EYS: variants seen among roughly 807,000 people sequenced by gnomAD.
The protein encoded by EYS is protein eyes shut homolog.
In EYS, 250 loss-of-function variants were observed where a neutral mutation model predicts 282.1. The ratio of observed to expected loss-of-function variants is 0.89; its 90% CI spans 0.80 to 0.98. EYS has a LOEUF of 0.98. EYS is among the 50% of genes least tolerant of loss of function. EYS has a pLI of 0.00. For missense variants in EYS, 4,016 were observed against 3,709.0 expected, an observed-to-expected ratio of 1.08 and a Z score of -2.15; for synonymous variants, 1,355 against 1,282.9, an observed-to-expected ratio of 1.06 and a Z score of -1.20.
intron 29 of EYS, among the ~76,000 whole-genome samples, chr6:64,350,659 A>G (rs1396595132): frequency 6.6e-6 from 1 of 151,640 alleles, no homozygotes; most frequent in Non-Finnish European, 1.5e-5. Context: ...AGAAGGATTC[A>G]GCGTAAAGCT....
intron 31 of EYS, among the ~76,000 whole-genome samples, chr6:64,134,754 G>A (rs1326996697): frequency 6.6e-6 from 1 of 152,026 alleles, no homozygotes; most frequent in African/African-American, 2.4e-5. Context: ...TGACTAACGA[G>A]GAGCTCTGCA....
intron 1 of EYS, among the ~76,000 whole-genome samples, chr6:65,653,837 A>G (rs1410264800): frequency 6.6e-6 from 1 of 151,938 alleles, no homozygotes. Flanking sequence ...GCAAAGTCCA[A>G]GTGTCCTCTA....
chr6:65,596,194 C>T (rs1187168593), intron 2 of EYS, among the ~76,000 whole-genome samples: 1 of 152,078 alleles, frequency 6.6e-6, no homozygotes, highest in African/African-American at 2.4e-5. Flanking sequence ...GGCTAAATAA[C>T]ATCTTGGATA....
chr6:64,870,302 G>A (rs1274230298), intron 19 of EYS, among the ~76,000 whole-genome samples: 2 of 151,522 alleles, frequency 1.3e-5, no homozygotes, highest in African/African-American at 4.8e-5. Flanking sequence ...ATACTCAAAA[G>A]TCACAGGCTT....
At chr6:64,652,754 C>A (rs1768607756) in intron 22 of EYS, among the ~76,000 whole-genome samples, 1 of 151,834 alleles carries the variant, frequency 6.6e-6, no homozygotes, top group African/African-American at 2.4e-5. Context: ...ATGGAAACCT[C>A]CTCTACATGT....
intron 22 of EYS, among the ~76,000 whole-genome samples, chr6:64,808,169 T>C (rs1347919455): frequency 3.3e-5 from 5 of 151,778 alleles, no homozygotes; most frequent in East Asian, 1.9e-4. Flanking sequence ...GATCACGATA[T>C]AGCACACTAA....
intron 1 of EYS, among the ~76,000 whole-genome samples, chr6:65,653,558 T>C (rs189025942): frequency 4.6e-4 from 70 of 152,022 alleles, no homozygotes; most frequent in African/African-American, 1.7e-3. Flanking sequence ...ATTGCCGTAT[T>C]CACAACATTT....
chr6:64,904,491 C>T (rs1360099444), intron 16 of EYS, among the ~76,000 whole-genome samples: 1 of 152,150 alleles, frequency 6.6e-6, no homozygotes, highest in East Asian at 1.9e-4. Context: ...TGCCATAGTA[C>T]AGATATAAAC....
chr6:65,277,794 G>A (rs929198918), intron 12 of EYS, among the ~76,000 whole-genome samples: 1 of 152,158 alleles, frequency 6.6e-6, no homozygotes, highest in African/African-American at 2.4e-5. Context: ...TATCAAGTTA[G>A]GAGATTCAGA....
chr6:63,720,355 A>G lies in EYS; in HGVS notation c.*241T>C, dbSNP rs946730344. The G allele has an allele frequency of 1.4e-5, 6 of 428,068 alleles. No individual in the cohort carries two copies. Among genetic ancestry groups the G allele is most frequent in the Admixed American group, 3.9e-5 (1 of 25,430 alleles). The allele number at this position is 428,068 out of a possible 1,614,324, so 26.5% of individuals were successfully genotyped here. ...CAAAGTGAATAAGCACATTCTGTGAATAAGCACTGAACTAATGGAGTTAAA... is the reference window on the plus strand; with the variant it reads ...CAAAGTGAATAAGCACATTCTGTGAGTAAGCACTGAACTAATGGAGTTAAA... On this transcript the variant is annotated 3_prime_UTR_variant, in exon 43 of 43. Coordinates refer to ENST00000503581, the MANE Select transcript of EYS (RefSeq NM_001142800.2).
intron 40 of EYS, among the ~76,000 whole-genome samples, chr6:63,770,527 C>CG (rs1219899812): frequency 6.6e-6 from 1 of 152,004 alleles, no homozygotes; most frequent in Non-Finnish European, 1.5e-5. Flanking sequence ...TAGCAATGGG[C>CG]GATCACACGA....
intron 31 of EYS, among the ~76,000 whole-genome samples, chr6:64,203,986 T>C (rs1399512604): frequency 6.6e-6 from 1 of 152,206 alleles, no homozygotes; most frequent in African/African-American, 2.4e-5. Flanking sequence ...AATATAAATT[T>C]TATGCCTTCC....
At chr6:65,315,541 C>A (rs1380310031) in intron 11 of EYS, among the ~76,000 whole-genome samples, 2 of 151,576 alleles carry the variant, frequency 1.3e-5, no homozygotes, top group African/African-American at 4.9e-5. Flanking sequence ...ATGAAATCAT[C>A]TGTATAAATC....
chr6:65,410,087 A>T (rs1285749968), intron 5 of EYS, among the ~76,000 whole-genome samples: 2 of 152,066 alleles, frequency 1.3e-5, no homozygotes, highest in Admixed American at 1.3e-4. Context: ...GTTTAGTGGT[A>T]CTTAATTAGA....
chr6:64,091,130 A>C (rs1208527304), intron 31 of EYS, among the ~76,000 whole-genome samples: 1 of 152,176 alleles, frequency 6.6e-6, no homozygotes, highest in Non-Finnish European at 1.5e-5. Flanking sequence ...GAAATTAATA[A>C]ATTTGTAATA....
chr6:63,985,887 A>T (rs1337865812), intron 34 of EYS, among the ~76,000 whole-genome samples: 4 of 151,858 alleles, frequency 2.6e-5, no homozygotes, highest in Non-Finnish European at 5.9e-5. Context: ...TGACAAAGAC[A>T]CCAAAAGTAA....
chr6:65,662,717 G>A (rs1475932114), intron 1 of EYS, among the ~76,000 whole-genome samples: 1 of 152,042 alleles, frequency 6.6e-6, no homozygotes, highest in African/African-American at 2.4e-5. Context: ...TACATGCTCT[G>A]TTATAAACAC....
chr6:64,090,356 A>G (rs912065826), intron 31 of EYS, among the ~76,000 whole-genome samples: 3 of 152,172 alleles, frequency 2.0e-5, no homozygotes, highest in Admixed American at 2.0e-4. Flanking sequence ...TGTTTAATGG[A>G]CAGATTCACT....
rs1404307679 is a variant in EYS at position 64,591,914 on chromosome 6, G to A, written c.3953C>T (p.Pro1318Leu). ...TGLATLRIST[P>L]LESYLLQELI... Reference sequence around the variant, plus strand: ...TTCTTGGAGTAAGTAGCTTTCCAAGGGTGTGCTAATTCTTAATGTTGCCAA... The same window carrying A: ...TTCTTGGAGTAAGTAGCTTTCCAAGAGTGTGCTAATTCTTAATGTTGCCAA... The change falls in exon 26 of 43, where the codon CCC (proline) becomes CTC (leucine). Residue 1318 changes from proline (P) to leucine (L), a missense_variant. Transcript: ENST00000503581. 7 of 1,547,812 alleles carry A rather than the reference G, an allele frequency of 4.5e-6. No homozygotes were observed. The highest frequency in any genetic ancestry group is 6.1e-6 in the Non-Finnish European group (7 of 1,144,566).
Sources: gnomAD v4.1 joint callset for allele counts (sites outside exome capture counted in the v4.1 genomes callset) on GRCh38, gnomAD v4.1.1 for gene constraint, MANE v1.5 for transcripts, NCBI Gene and HGNC (gene_info 2026-07-23, HGNC 2026-07-21) for gene names.